Variants in CYP20A1 observed in about 807,000 individuals in gnomAD.
CYP20A1 encodes cytochrome P450 20A1.
In CYP20A1, 61 loss-of-function variants were observed where a neutral mutation model predicts 61.4. The ratio of observed to expected loss-of-function variants is 0.99; its 90% confidence interval spans 0.81 to 1.23. The LOEUF (loss-of-function observed/expected upper bound fraction) is 1.23, where lower values mean the gene tolerates loss of function less well. Ranked by LOEUF, CYP20A1 falls within the 50% of genes most tolerant of loss-of-function variation. CYP20A1 has a pLI of 0.00. For missense variants in CYP20A1, 530 were observed against 542.4 expected (o/e 0.98, Z 0.23); for synonymous variants, 193 against 188.2 (o/e 1.03, Z -0.21).
intron 3 of CYP20A1, among the ~76,000 whole-genome samples, chr2:203,248,623 A>G (rs771259852): frequency 1.7e-4 from 26 of 152,224 alleles, no homozygotes; most frequent in Admixed American, 3.9e-4. Flanking sequence ...TATGTATGAT[A>G]AAGATAGCAT....
intron 6 of CYP20A1, among the ~76,000 whole-genome samples, chr2:203,276,000 G>A (rs2067805449): frequency 1.3e-5 from 2 of 152,138 alleles, no homozygotes; most frequent in African/African-American, 4.8e-5. Flanking sequence ...TTGGGAGATT[G>A]CAATTTTAAG....
chr2:203,296,611 T>A (rs2068808055), intron 12 of CYP20A1, 48 bp downstream of exon 12: 2 of 1,481,824 alleles, frequency 1.3e-6, no homozygotes, highest in South Asian at 1.2e-5. Context: ...TGATGATCAC[T>A]GTTGATGAGA....
intron 4 of CYP20A1, among the ~76,000 whole-genome samples, chr2:203,257,617 G>A (rs546380054): frequency 9.2e-5 from 14 of 151,846 alleles, no homozygotes; most frequent in African/African-American, 2.9e-4. Flanking sequence ...GTGAAACTCC[G>A]TCTCTACTAA....
chr2:203,284,277 A>G (rs2068171450), intron 8 of CYP20A1, among the ~76,000 whole-genome samples: 10 of 152,202 alleles, frequency 6.6e-5, no homozygotes, highest in Admixed American at 6.5e-4. Context: ...AGTACAAGTT[A>G]CTAGAAGGAT....
rs977453882 is a variant in CYP20A1 at position 203,302,300 on chromosome 2, G to A, written c.*5392G>A. 9.2e-5 allele frequency among the ~76,000 whole-genome samples: 14 copies of A among 152,242 alleles called. No individual in the cohort carries two copies. Among genetic ancestry groups the A allele is most frequent in the African/African-American group, 3.4e-4 (14 of 41,572 alleles). ...AACTCAAGCACTTTGGGAGTTCAAG[G>A]CGGCCAGATTGCTTGAGCTTTTAGA... On this transcript the variant is annotated 3_prime_UTR_variant, in exon 13 of 13. Transcript: ENST00000356079.
At chr2:203,283,925 C>T (rs1301923788) in intron 8 of CYP20A1, among the ~76,000 whole-genome samples, 2 of 152,112 alleles carry the variant, frequency 1.3e-5, no homozygotes, top group African/African-American at 4.8e-5. Flanking sequence ...TGTGGTGACT[C>T]CTTCAGTTGT....
At chr2:203,296,654 TTTA>T (rs2068810204) in intron 12 of CYP20A1, 91 bp downstream of exon 12, 1 of 1,403,296 alleles carries the variant, frequency 7.1e-7, no homozygotes, top group African/African-American at 1.5e-5. Flanking sequence ...GTATTATTTT[TTTA>T]TTATTATTGT....
intron 11 of CYP20A1, among the ~76,000 whole-genome samples, chr2:203,293,527 A>G (rs1351716973): frequency 3.8e-5 from 5 of 131,828 alleles, no homozygotes; most frequent in Non-Finnish European, 6.6e-5. Flanking sequence ...TTTTTTCCCC[A>G]GTGCATTTTT....
intron 3 of CYP20A1, among the ~76,000 whole-genome samples, chr2:203,251,276 G>A (rs1008629103): frequency 6.6e-6 from 1 of 151,372 alleles, no homozygotes; most frequent in Non-Finnish European, 1.5e-5. Flanking sequence ...TAATTTTACT[G>A]TAATACTTGA....
intron 4 of CYP20A1, among the ~76,000 whole-genome samples, chr2:203,252,427 C>T (rs1417024371): frequency 1.3e-5 from 2 of 152,052 alleles, no homozygotes; most frequent in African/African-American, 2.4e-5. Context: ...CAGAGTCTCA[C>T]TCTGTCACCC....
intron 4 of CYP20A1, among the ~76,000 whole-genome samples, chr2:203,252,680 A>G (rs2105914184): frequency 6.6e-6 from 1 of 152,116 alleles, no homozygotes; most frequent in African/African-American, 2.4e-5. Flanking sequence ...AGGAGTTTTC[A>G]GATGCTGCTT....
At chr2:203,281,178 G>A (rs2068027198) in intron 8 of CYP20A1, among the ~76,000 whole-genome samples, 1 of 152,084 alleles carries the variant, frequency 6.6e-6, no homozygotes, top group Admixed American at 6.6e-5. Context: ...TACTTCAATA[G>A]GCATAAAAAT....
chr2:203,287,422 T>C (rs957382166), intron 9 of CYP20A1, among the ~76,000 whole-genome samples: 6 of 151,828 alleles, frequency 4.0e-5, no homozygotes, highest in South Asian at 2.1e-4. Flanking sequence ...CCGTAACAGT[T>C]GGGCTAGGCG....
At position 203,302,037 on chromosome 2, in the gene CYP20A1, C is replaced by T. The variant is rs541582832; in HGVS notation, c.*5129C>T. 2.0e-5 allele frequency among the ~76,000 whole-genome samples: 3 copies of T among 151,772 alleles called. No homozygotes were observed. Among genetic ancestry groups the T allele is most frequent in the East Asian group, 1.9e-4 (1 of 5,148 alleles). ...GCTTCCCAGGTTCAAGTGATCCTCCCGCCTCAGCCTCCCAAGTAGCTGGGA... is the reference window on the plus strand; with the variant it reads ...GCTTCCCAGGTTCAAGTGATCCTCCTGCCTCAGCCTCCCAAGTAGCTGGGA... On this transcript the variant is annotated 3_prime_UTR_variant, in exon 13 of 13. Transcript: ENST00000356079.
At chr2:203,265,176 T>A (rs911787199) in intron 4 of CYP20A1, among the ~76,000 whole-genome samples, 2 of 152,210 alleles carry the variant, frequency 1.3e-5, no homozygotes, top group African/African-American at 4.8e-5. Flanking sequence ...GGCCTGTGAT[T>A]ATTTATTGTA....
At chr2:203,271,378 G>A (rs947471772) in intron 5 of CYP20A1, among the ~76,000 whole-genome samples, 1 of 151,772 alleles carries the variant, frequency 6.6e-6, no homozygotes, top group African/African-American at 2.4e-5. Context: ...TTGAGCCACC[G>A]CACCTGGCCA....
At chr2:203,267,599 C>T (rs942345848) in intron 5 of CYP20A1, among the ~76,000 whole-genome samples, 1 of 151,610 alleles carries the variant, frequency 6.6e-6, no homozygotes, top group African/African-American at 2.4e-5. Context: ...AATCTCAGCA[C>T]TTTGGGAGGC....
At chr2:203,265,009 G>A (rs757001599) in intron 4 of CYP20A1, among the ~76,000 whole-genome samples, 4 of 152,164 alleles carry the variant, frequency 2.6e-5, no homozygotes, top group African/African-American at 9.7e-5. Context: ...GATTACAGGC[G>A]TGAGCCACTG....
At chr2:203,276,026 G>A (rs1038615565) in intron 6 of CYP20A1, among the ~76,000 whole-genome samples, 4 of 152,180 alleles carry the variant, frequency 2.6e-5, no homozygotes, top group Non-Finnish European at 5.9e-5. Context: ...ATTAGGAAAG[G>A]CCTCACCAAG....
Sources: allele counts gnomAD v4.1 joint callset (sites outside exome capture counted in the v4.1 genomes callset), GRCh38; gene constraint gnomAD v4.1.1; transcripts MANE v1.5; gene names NCBI Gene and HGNC (gene_info 2026-07-23, HGNC 2026-07-21).